NREP: variants seen among roughly 807,000 people sequenced by gnomAD.
NREP encodes the protein neuronal regeneration-related protein.
NREP carries 5 observed loss-of-function variants against 8.6 expected under a neutral mutation model. The observed-to-expected ratio is 0.58, with a 90% CI of 0.30 to 1.22. The LOEUF is 1.22. Among genes scored for constraint, NREP ranks in the 50% most tolerant of loss-of-function variants. NREP has a pLI of 0.07. For synonymous variants in NREP, 27 were observed against 28.0 expected, an observed-to-expected ratio of 0.96 and a Z score of 0.11; for missense variants, 86 against 82.5, an observed-to-expected ratio of 1.04 and a Z score of -0.17.
At chr5:111,900,752 T>C (rs1265168623) in intron 2 of NREP, among the ~76,000 whole-genome samples, 1 of 151,756 alleles carries the variant, frequency 6.6e-6, no homozygotes, top group Non-Finnish European at 1.5e-5. Context: ...AATAATGAGA[T>C]GGAAACAGTA....
At chr5:111,793,284 G>A (rs915115208) in intron 2 of NREP, among the ~76,000 whole-genome samples, 4 of 152,122 alleles carry the variant, frequency 2.6e-5, no homozygotes, top group African/African-American at 9.7e-5. Flanking sequence ...CGGAGGCTGA[G>A]AAGTCCCACA....
intron 2 of NREP, among the ~76,000 whole-genome samples, chr5:111,936,663 C>T (rs1183375970): frequency 2.0e-5 from 3 of 152,068 alleles, no homozygotes; most frequent in African/African-American, 4.8e-5. Flanking sequence ...CAAAGGCTGT[C>T]GCTACTCTCC....
intron 2 of NREP, among the ~76,000 whole-genome samples, chr5:111,967,713 G>T (rs987597271): frequency 6.6e-6 from 1 of 151,894 alleles, no homozygotes; most frequent in South Asian, 2.1e-4. Flanking sequence ...CTGCCCGGCC[G>T]CTGTGCAACC....
At chr5:111,798,909 A>G (rs7710365) in intron 2 of NREP, among the ~76,000 whole-genome samples, 31,765 of 152,072 alleles carry the variant, frequency 0.21, 3,426 homozygotes, top group Admixed American at 0.27. Context: ...TCTTTTTTGT[A>G]TAATAACTTC....
chr5:111,799,101 T>A (rs1581126342), intron 2 of NREP, among the ~76,000 whole-genome samples: 1 of 152,210 alleles, frequency 6.6e-6, no homozygotes, highest in East Asian at 1.9e-4. Context: ...TATTTCTGCG[T>A]TCTCTATTCT....
chr5:111,802,113 CTATT>C (rs1752027313), intron 2 of NREP, among the ~76,000 whole-genome samples: 1 of 152,182 alleles, frequency 6.6e-6, no homozygotes, highest in Admixed American at 6.5e-5. Flanking sequence ...CTGAATACCT[CTATT>C]TAAGAACCAG....
intron 2 of NREP, among the ~76,000 whole-genome samples, chr5:111,949,789 A>C (rs1214476432): frequency 6.6e-6 from 1 of 152,070 alleles, no homozygotes; most frequent in African/African-American, 2.4e-5. Flanking sequence ...ATAGTATTCC[A>C]TGGTGTATAT....
At chr5:111,754,097 T>G (rs1295122113) in intron 2 of NREP, among the ~76,000 whole-genome samples, 1 of 152,196 alleles carries the variant, frequency 6.6e-6, no homozygotes, top group Non-Finnish European at 1.5e-5. Context: ...TGTGAGAATT[T>G]TTTCATGAGT....
chr5:111,932,396 C>A (rs1306218957), intron 2 of NREP, among the ~76,000 whole-genome samples: 1 of 152,040 alleles, frequency 6.6e-6, no homozygotes, highest in Admixed American at 6.6e-5. Flanking sequence ...ACATAGCCAT[C>A]CCACAGTTAT....
At chr5:111,805,386 T>C (rs1211670069) in intron 2 of NREP, among the ~76,000 whole-genome samples, 2 of 152,214 alleles carry the variant, frequency 1.3e-5, no homozygotes, top group East Asian at 1.9e-4. Flanking sequence ...TGCATATTTG[T>C]GGTAGCTAAA....
At chr5:111,756,541 G>C (rs1209141099) in intron 1 of NREP, among the ~76,000 whole-genome samples, 1 of 152,066 alleles carries the variant, frequency 6.6e-6, no homozygotes, top group Non-Finnish European at 1.5e-5. Flanking sequence ...TTCCTATAAT[G>C]TTATTATAGA....
At chr5:111,858,612 T>C (rs1753476545) in intron 2 of NREP, among the ~76,000 whole-genome samples, 1 of 152,160 alleles carries the variant, frequency 6.6e-6, no homozygotes, top group African/African-American at 2.4e-5. Flanking sequence ...AGAACACCAC[T>C]GCACTCCTGC....
chr5:111,760,502 C>T (rs1561655842), upstream of NREP, among the ~76,000 whole-genome samples: 1 of 152,150 alleles, frequency 6.6e-6, no homozygotes, highest in Admixed American at 6.5e-5. Flanking sequence ...ACAGCCAAAG[C>T]CAAAGTGAAG....
intron 2 of NREP, among the ~76,000 whole-genome samples, chr5:111,794,439 T>C (rs1194819825): frequency 1.3e-5 from 2 of 152,192 alleles, no homozygotes; most frequent in South Asian, 4.1e-4. Context: ...TCCATCAGTA[T>C]GTACGCAGGT....
intron 2 of NREP, among the ~76,000 whole-genome samples, chr5:111,736,599 G>A (rs186371766): frequency 5.9e-5 from 9 of 152,230 alleles, no homozygotes; most frequent in East Asian, 1.9e-4. Context: ...GGTATACCCC[G>A]ATCAATCCAT....
chr5:111,860,823 C>T (rs955401534), intron 2 of NREP, among the ~76,000 whole-genome samples: 3 of 152,060 alleles, frequency 2.0e-5, no homozygotes, highest in Non-Finnish European at 4.4e-5. Context: ...ATCAAATAAA[C>T]AAATCTTTCA....
chr5:111,943,040 T>C (rs1755875876), intron 2 of NREP, among the ~76,000 whole-genome samples: 1 of 152,006 alleles, frequency 6.6e-6, no homozygotes, highest in African/African-American at 2.4e-5. Flanking sequence ...CCTATACATA[T>C]GTGGCTCCCA....
intron 2 of NREP, among the ~76,000 whole-genome samples, chr5:111,822,545 C>T (rs1165865971): frequency 1.3e-5 from 2 of 152,198 alleles, no homozygotes; most frequent in African/African-American, 4.8e-5. Context: ...GATTGAAACA[C>T]AGCTTCATCT....
chr5:111,837,712 A>T (rs959758626), intron 2 of NREP, among the ~76,000 whole-genome samples: 1 of 152,068 alleles, frequency 6.6e-6, no homozygotes, highest in Non-Finnish European at 1.5e-5. Flanking sequence ...TGATGAAATG[A>T]TTCAGGAAAG....
Sources: allele counts gnomAD v4.1 joint callset (sites outside exome capture counted in the v4.1 genomes callset), GRCh38; gene constraint gnomAD v4.1.1; transcripts MANE v1.5; gene names NCBI Gene and HGNC (gene_info 2026-07-23, HGNC 2026-07-21).